Variants in POMGNT1 observed in about 807,000 individuals in gnomAD.
POMGNT1 encodes protein O-linked mannose N-acetylglucosaminyltransferase 1 (beta 1,2-), also known as protein O-linked-mannose beta-1,2-N-acetylglucosaminyltransferase 1.
In POMGNT1, 67 loss-of-function variants were observed where a neutral mutation model predicts 95.6. The observed-to-expected ratio is 0.70, with a 90% CI of 0.58 to 0.86. The LOEUF is 0.86. POMGNT1 is among the 40% of genes least tolerant of loss of function. The pLI, the probability that POMGNT1 is intolerant of heterozygous loss-of-function variation, is 0.00. For synonymous variants in POMGNT1, 298 were observed against 317.9 expected, an observed-to-expected ratio of 0.94 and a Z score of 0.66; for missense variants, 719 against 855.2, an observed-to-expected ratio of 0.84 and a Z score of 1.99.
chr1:46,219,295 CAAA>C (rs747473864), intron 1 of POMGNT1, among the ~76,000 whole-genome samples: 3 of 97,568 alleles, frequency 3.1e-5, no homozygotes, highest in Non-Finnish European at 4.4e-5. Context: ...AACTCCATTT[CAAA>C]AAAAAAAAAA....
intron 1 of POMGNT1, among the ~76,000 whole-genome samples, chr1:46,211,861 A>G (rs1205945904): frequency 6.6e-6 from 1 of 151,992 alleles, no homozygotes; most frequent in Admixed American, 6.6e-5. Context: ...GCCTCGGTTC[A>G]AGTGATTCTC....
upstream of POMGNT1, among the ~76,000 whole-genome samples, chr1:46,199,918 C>G (rs981240040): frequency 6.6e-6 from 1 of 152,106 alleles, no homozygotes; most frequent in East Asian, 1.9e-4. Context: ...TCACGTAATC[C>G]CAGCAGGTTG....
intron 9 of POMGNT1, 104 bp downstream of exon 9, chr1:46,194,170 C>A (rs1426779955): frequency 6.2e-7 from 1 of 1,600,284 alleles, no homozygotes; most frequent in Non-Finnish European, 8.5e-7. Flanking sequence ...GCCCCTGGTT[C>A]TCTCCCAGGC....
At chr1:46,211,116 C>T (rs1658880194) in intron 1 of POMGNT1, among the ~76,000 whole-genome samples, 1 of 151,916 alleles carries the variant, frequency 6.6e-6, no homozygotes, top group African/African-American at 2.4e-5. Flanking sequence ...TGGTTGTCCA[C>T]GATTGAAACA....
chr1:46,190,323 C>A, intron 19 of POMGNT1, 150 bp downstream of exon 19: 1 of 1,040,958 alleles, frequency 9.6e-7, no homozygotes, highest in Admixed American at 1.7e-5. Context: ...GGATTACAGG[C>A]GTGAGCCACC....
At chr1:46,193,986 T>C (rs931333140) in intron 9 of POMGNT1, 61 bp from the exon 10 acceptor site, 1 of 1,602,026 alleles carries the variant, frequency 6.2e-7, no homozygotes. Flanking sequence ...GATCCCCACC[T>C]AGGGAAGACT....
Position 46,194,411 on chromosome 1 carries a change from G to A in POMGNT1, c.752-10C>T, listed in dbSNP as rs1470088795. On this transcript the variant is annotated splice_polypyrimidine_tract_variant and intron_variant, in intron 8 of 21. Coordinates refer to ENST00000371984, the MANE Select transcript of POMGNT1 (RefSeq NM_017739.4). ...CAGTGGCACTCTGCCTCTGAGGGAA[G>A]GATGCGGTTGTCATGGAGGCATGGG... The A allele has an allele frequency of 1.2e-6, 2 of 1,614,116 alleles. No homozygotes were observed. The highest frequency in any genetic ancestry group is 1.3e-5 in the African/African-American group (1 of 74,950).
intron 1 of POMGNT1, among the ~76,000 whole-genome samples, chr1:46,215,706 C>T (rs1659042903): frequency 6.6e-6 from 1 of 152,128 alleles, no homozygotes; most frequent in African/African-American, 2.4e-5. Flanking sequence ...TGAGACCAGC[C>T]TGGGCAACAT....
At position 46,189,919 on chromosome 1, in the gene POMGNT1, T is replaced by C. The variant is rs1049658707; in HGVS notation, c.1720A>G (p.Thr574Ala). Residue 574 changes from threonine to alanine, a missense_variant, in exon 20 of 22, where the codon ACC becomes GCC. This residue lies in a region of POMGNT1 where 130 missense variants were observed against 149.2 expected (regional missense o/e 0.87). Coordinates refer to ENST00000371984, the MANE Select transcript of POMGNT1 (RefSeq NM_017739.4). ...DSFLPDTEGH[T>A]YVAFIRMEKD... is the part of the protein sequence containing the mutation. ...TCCATTCGAATAAAGGCCACGTAGG[T>C]GTGGCCCTCTGTGTCTGGCAGGAAA... 3 of 1,613,908 alleles carry C rather than the reference T, an allele frequency of 1.9e-6. No individual in the cohort carries two copies. The South Asian group carries it at 3.3e-5, about 18-fold the overall frequency.
Position 46,196,729 on chromosome 1 carries a change from A to T in POMGNT1, c.354+2T>A. The stretch of plus-strand genomic sequence containing the variant: ...CTGTACACCAGACCCTGGCCCACTG[A>T]CCGTGGTGCCATCCACTGCCACATA... On this transcript the variant is annotated splice_donor_variant, in intron 4 of 21. Transcript: ENST00000371984. LOFTEE classifies it high-confidence loss of function. The surrounding 1 kb of genome is among the most constrained non-coding windows in gnomAD (Gnocchi z 4.4). The T allele has an allele frequency of 6.2e-7, 1 of 1,614,112 alleles. No individual in the cohort carries two copies. Among genetic ancestry groups the T allele is most frequent in the Non-Finnish European group, 8.5e-7 (1 of 1,180,026 alleles).
chr1:46,220,300 T>A, exon 1 of POMGNT1: 1 of 1,425,428 alleles, frequency 7.0e-7, no homozygotes, highest in Non-Finnish European at 9.4e-7. Flanking sequence ...TCTCCCTCAG[T>A]CTGAGACTAG....
intron 9 of POMGNT1, 32 bp from the exon 10 acceptor site, chr1:46,193,957 TA>T: frequency 6.2e-7 from 1 of 1,612,480 alleles, no homozygotes; most frequent in Non-Finnish European, 8.5e-7. Flanking sequence ...GCTCTTGCCT[TA>T]TTCCCCCTTC....
intron 9 of POMGNT1, 114 bp from the exon 10 acceptor site, chr1:46,194,039 G>T (rs1352548693): frequency 1.3e-6 from 2 of 1,559,470 alleles, no homozygotes; most frequent in Non-Finnish European, 1.7e-6. Context: ...ACAGGGAAGG[G>T]ATAGAGGATC....
chr1:46,201,352 A>T (rs567938394), upstream of POMGNT1, among the ~76,000 whole-genome samples: 4 of 152,082 alleles, frequency 2.6e-5, no homozygotes, highest in Non-Finnish European at 4.4e-5. Context: ...TCTAAATTTT[A>T]AAAAAAGTTA....
At chr1:46,190,079 T>C in intron 19 of POMGNT1, 90 bp from the exon 20 acceptor site, 4 of 1,428,064 alleles carry the variant, frequency 2.8e-6, no homozygotes, top group Non-Finnish European at 3.8e-6. Context: ...AATGCTCTGC[T>C]GTTGCCACCT....
Position 46,189,182 on chromosome 1 carries a change from G to C in POMGNT1, c.*88C>G, listed in dbSNP as rs1208220478. 2.6e-6 allele frequency: 4 copies of C among 1,535,122 alleles called. No individual in the cohort carries two copies. The highest frequency in any genetic ancestry group is 3.5e-6 in the Non-Finnish European group (4 of 1,145,986). On this transcript the variant is annotated 3_prime_UTR_variant, in exon 22 of 22. Transcript: ENST00000371984. ...AACAAGGTAGCCCCAGCCCCTACCAGCATCTACAAAATCCTACAGGATGGA... is the reference window on the plus strand; with the variant it reads ...AACAAGGTAGCCCCAGCCCCTACCACCATCTACAAAATCCTACAGGATGGA...
At chr1:46,215,774 T>C (rs1166206346) in intron 1 of POMGNT1, among the ~76,000 whole-genome samples, 1 of 152,098 alleles carries the variant, frequency 6.6e-6, no homozygotes, top group Non-Finnish European at 1.5e-5. Context: ...GGTACATGCC[T>C]GTAGTCCAGC....
chr1:46,197,096 G>A lies in POMGNT1; in HGVS notation c.121-12C>T, dbSNP rs754484485. 3 of 1,614,090 alleles carry A rather than the reference G, an allele frequency of 1.9e-6. No individual in the cohort carries two copies. In the East Asian group the frequency reaches 6.7e-5, roughly 36 times the overall value. On this transcript the variant is annotated splice_polypyrimidine_tract_variant and intron_variant, in intron 2 of 21. Coordinates refer to ENST00000371984, the MANE Select transcript of POMGNT1 (RefSeq NM_017739.4). ...AGCACGGCCCCTGTCTGAGGGGAGGGGTAGGGATGATTAAGAGGAGCACCT... is the reference window on the plus strand; with the variant it reads ...AGCACGGCCCCTGTCTGAGGGGAGGAGTAGGGATGATTAAGAGGAGCACCT...
intron 6 of POMGNT1, 46 bp from the exon 7 acceptor site, chr1:46,195,007 G>C: frequency 6.3e-7 from 1 of 1,583,210 alleles, no homozygotes; most frequent in Non-Finnish European, 8.7e-7. Context: ...ATGGTTCCAG[G>C]AGACCTGGCC....
Sources: gnomAD v4.1 joint callset for allele counts (sites outside exome capture counted in the v4.1 genomes callset) on GRCh38, gnomAD v4.1.1 for gene constraint, gnomAD v4.1.1 regional missense constraint, Gnocchi (gnomAD v3.1) non-coding constraint, MANE v1.5 for transcripts, NCBI Gene and HGNC (gene_info 2026-07-23, HGNC 2026-07-21) for gene names.